COL4A6: variants seen among roughly 807,000 people sequenced by gnomAD.
The protein encoded by COL4A6 is collagen type IV alpha 6 chain.
Under a neutral mutation model 126.7 loss-of-function variants are expected in COL4A6, and 59 were observed. That is an observed-to-expected ratio of 0.47 (90% CI 0.38 to 0.58). COL4A6 has a LOEUF of 0.58. Among genes scored for constraint, COL4A6 ranks in the 20% least tolerant of loss-of-function variants. The pLI is 0.00. For missense variants in COL4A6, 1,285 were observed against 1,337.3 expected (o/e 0.96, Z 0.61); for synonymous variants, 547 against 496.6 (o/e 1.10, Z -1.35).
chrX:108,191,532 A>T lies in COL4A6; in HGVS notation c.1182T>A (p.Gly394=). ...SGVPGLPALS[G]VPGALGPQGF... ...CCTGAGGCCCTAGGGCTCCTGGGAC[A>T]CCTGGAAGAATAAGCCCACACACAA... Residue 394 remains glycine, a splice_region_variant and synonymous_variant, in exon 19 of 45, where the codon GGT becomes GGA. Coordinates refer to ENST00000334504, the MANE Select transcript of COL4A6 (RefSeq NM_033641.4). The T allele has an allele frequency of 8.3e-7, 1 of 1,207,517 alleles. No homozygotes were observed. Among genetic ancestry groups the T allele is most frequent in the Non-Finnish European group, 1.1e-6 (1 of 893,723 alleles).
At chrX:108,229,441 T>TA (rs2036250802) in intron 3 of COL4A6, among the ~76,000 whole-genome samples, 1 of 111,901 alleles carries the variant, frequency 8.9e-6, no homozygotes, top group South Asian at 3.8e-4. Flanking sequence ...GCATCAGACT[T>TA]ACGCAGAGGT....
At chrX:108,423,122 C>G (rs1237256774) in intron 2 of COL4A6, among the ~76,000 whole-genome samples, 1 of 112,076 alleles carries the variant, frequency 8.9e-6, no homozygotes, top group Admixed American at 9.4e-5. Flanking sequence ...ATGTCAGTTT[C>G]AAATCTTGTC....
chrX:108,411,740 G>A (rs921581555), intron 2 of COL4A6, among the ~76,000 whole-genome samples: 3 of 112,084 alleles, frequency 2.7e-5, no homozygotes, highest in Admixed American at 9.5e-5. Context: ...GCTTAGAACT[G>A]TAATTATCTG....
In COL4A6 at chrX:108,192,574, G is replaced by C. The variant is rs1337251177; in HGVS notation, c.1079C>G (p.Pro360Arg). ...DIDGAVISGN[P>R]GDPGVPGLPG... ...GAGGCCAGGTACACCAGGATCTCCA[G>C]GATTACCTGGCATTGTAATGAAAGA... The change falls in exon 18 of 45, where the codon CCT (proline) becomes CGT (arginine). Residue 360 changes from proline to arginine, a missense_variant. By Grantham distance (103) the Pro-to-Arg change is moderately radical (BLOSUM62 -2). Transcript: ENST00000334504. 1 of 1,174,221 alleles carries C rather than the reference G, an allele frequency of 8.5e-7. No individual in the cohort carries two copies. Among genetic ancestry groups the C allele is most frequent in the Admixed American group, 2.2e-5 (1 of 44,700 alleles).
chrX:108,184,956 T>C (rs1372661529), intron 23 of COL4A6, among the ~76,000 whole-genome samples: 1 of 112,278 alleles, frequency 8.9e-6, no homozygotes, highest in Non-Finnish European at 1.9e-5. Context: ...ACCTTGTTGC[T>C]TGCAAAATGG....
chrX:108,370,986 T>C (rs186670893), intron 2 of COL4A6, among the ~76,000 whole-genome samples: 50 of 111,055 alleles, frequency 4.5e-4, no homozygotes, highest in Middle Eastern at 4.6e-3. Flanking sequence ...TCCTGTGCTC[T>C]ACCAAGACTT....
At chrX:108,184,916 A>C (rs2034806391) in intron 23 of COL4A6, among the ~76,000 whole-genome samples, 1 of 112,295 alleles carries the variant, frequency 8.9e-6, no homozygotes, top group African/African-American at 3.2e-5. Context: ...GTAAGTTTAT[A>C]GGTGTCATGT....
At chrX:108,281,319 A>G (rs1450989768) in intron 3 of COL4A6, among the ~76,000 whole-genome samples, 1 of 84,319 alleles carries the variant, frequency 1.2e-5, no homozygotes, top group African/African-American at 4.4e-5. Flanking sequence ...AAATCAATGT[A>G]CAAAAATCAC....
At chrX:108,278,010 A>T (rs749692888) in intron 3 of COL4A6, among the ~76,000 whole-genome samples, 3 of 111,776 alleles carry the variant, frequency 2.7e-5, no homozygotes, top group South Asian at 7.6e-4. Context: ...ATCATCAAAG[A>T]CCAAAAATAG....
intron 33 of COL4A6, among the ~76,000 whole-genome samples, chrX:108,171,149 A>C (rs2034288414): frequency 8.9e-6 from 1 of 112,506 alleles, no homozygotes. Context: ...ATGTTCAAGA[A>C]GGACAGTTTA....
At chrX:108,334,924 T>C (rs969581133) in intron 2 of COL4A6, among the ~76,000 whole-genome samples, 4 of 111,809 alleles carry the variant, frequency 3.6e-5, no homozygotes, top group African/African-American at 1.3e-4. Context: ...TCATTTTCCC[T>C]TTCAGCTCAA....
rs1279851080 is a variant in COL4A6 at position 108,294,410 on chromosome X, T to TG, written c.144+16337_144+16338insC. 6.2e-3 allele frequency among the ~76,000 whole-genome samples: 540 copies of TG among 86,623 alleles called. 9 individuals are homozygous for TG. The East Asian group carries it at 0.21, about 34-fold the overall frequency. The allele number at this position is 86,623 out of a possible 115,157, so 75.2% of individuals were successfully genotyped here. On this transcript the variant is annotated intron_variant, in intron 3 of 44. Coordinates refer to ENST00000334504, the MANE Select transcript of COL4A6 (RefSeq NM_033641.4). ...GTTAGGGCAATTGTGTTTTTTTTTT[T>TG]TTTGGTGTGTGTGTGTGTGTGTATG...
intron 2 of COL4A6, among the ~76,000 whole-genome samples, chrX:108,365,839 C>A (rs762245698): frequency 2.7e-5 from 3 of 111,505 alleles, no homozygotes; most frequent in East Asian, 5.6e-4. Flanking sequence ...GGGGGCACTT[C>A]TTAAGCTAGG....
Position 108,242,511 on chromosome X carries a change from T to C in COL4A6, c.145-21137A>G, listed in dbSNP as rs2036600250. Among the ~76,000 whole-genome samples, 3 of 112,212 alleles carry C rather than the reference T, an allele frequency of 2.7e-5. No homozygotes were observed. In the Admixed American group the frequency reaches 2.8e-4, roughly 11 times the overall value. On this transcript the variant is annotated intron_variant, in intron 3 of 44. Coordinates refer to ENST00000334504, the MANE Select transcript of COL4A6 (RefSeq NM_033641.4). The stretch of plus-strand genomic sequence containing the variant: ...GTAGAAAACATCTAGATTGAGTTAG[T>C]GGTAAACCCTCTTAATAAATAAATA...
rs1020339303 is a variant in COL4A6, at chrX:108,426,239, T to C, written c.63+11703A>G. Reference sequence around the variant, plus strand: ...TGTACAGAGCAAGGAAAAATATAACTAACATTAATTCCCTCCGCAAGAGAA... The same window carrying C: ...TGTACAGAGCAAGGAAAAATATAACCAACATTAATTCCCTCCGCAAGAGAA... On this transcript the variant is annotated intron_variant, in intron 2 of 44. Transcript: ENST00000334504. Among the ~76,000 whole-genome samples the C allele has an allele frequency of 3.6e-5, 4 of 111,583 alleles. No individual in the cohort carries two copies. In the East Asian group the frequency reaches 1.1e-3, roughly 31 times the overall value.
chrX:108,272,279 A>T (rs2037471160), intron 3 of COL4A6, among the ~76,000 whole-genome samples: 1 of 111,709 alleles, frequency 9.0e-6, no homozygotes, highest in African/African-American at 3.3e-5. Flanking sequence ...TAGAAAAATC[A>T]GTTCGTTCTC....
intron 23 of COL4A6, among the ~76,000 whole-genome samples, chrX:108,182,889 T>C (rs1321840438): frequency 1.8e-5 from 2 of 112,742 alleles, no homozygotes; most frequent in Non-Finnish European, 3.7e-5. Context: ...CTTCTTTTCA[T>C]CTGTGACAGC....
At chrX:108,412,134 T>C (rs989762476) in intron 2 of COL4A6, among the ~76,000 whole-genome samples, 9 of 111,597 alleles carry the variant, frequency 8.1e-5, no homozygotes, top group African/African-American at 2.9e-4. Context: ...AAGCATGAAA[T>C]GTGTTCTGGG....
intron 17 of COL4A6, 102 bp downstream of exon 17, chrX:108,193,526 C>A: frequency 1.4e-6 from 1 of 704,991 alleles, no homozygotes; most frequent in Non-Finnish European, 2.2e-6. Flanking sequence ...TCAAGTTTAG[C>A]AACAATCGAG....
Sources: gnomAD v4.1 joint callset for allele counts (sites outside exome capture counted in the v4.1 genomes callset) on GRCh38, gnomAD v4.1.1 for gene constraint, MANE v1.5 for transcripts, NCBI Gene and HGNC (gene_info 2026-07-23, HGNC 2026-07-21) for gene names.